SAMD5: variants seen among roughly 807,000 people sequenced by gnomAD.
SAMD5 encodes the protein sterile alpha motif domain-containing protein 5.
SAMD5 carries 13 observed loss-of-function variants against 11.3 expected under a neutral mutation model. That is an observed-to-expected ratio of 1.15 (90% CI 0.75 to 1.83). The LOEUF (loss-of-function observed/expected upper bound fraction) is 1.83. Ranked by LOEUF, SAMD5 falls within the 40% of genes most tolerant of loss-of-function variation. The probability of loss-of-function intolerance (pLI) is 0.00; values close to 1 mark genes in which losing one functional copy is unlikely to be tolerated. For missense variants in SAMD5, 255 were observed against 239.1 expected, an observed-to-expected ratio of 1.07 and a Z score of -0.44; for synonymous variants, 129 against 111.3, an observed-to-expected ratio of 1.16 and a Z score of -1.00.
At chr6:147,613,449 G>T (rs970635261) in intron 1 of SAMD5, among the ~76,000 whole-genome samples, 2 of 151,892 alleles carry the variant, frequency 1.3e-5, no homozygotes, top group African/African-American at 2.4e-5. Flanking sequence ...CAGAGACAGG[G>T]ATTATTCTCT....
intron 1 of SAMD5, among the ~76,000 whole-genome samples, chr6:147,542,772 A>G (rs927981251): frequency 2.0e-5 from 3 of 152,186 alleles, no homozygotes; most frequent in Admixed American, 6.5e-5. Context: ...CTCCTAAACC[A>G]TAATTTTTAA....
chr6:147,752,270 A>G, the SAMD5 span, among the ~76,000 whole-genome samples: 3 of 152,206 alleles, frequency 2.0e-5, no homozygotes, highest in East Asian at 5.8e-4. Flanking sequence ...TATCAAAAAC[A>G]ACAGAGAAAC....
At chr6:147,606,257 G>A (rs1789698094) in intron 1 of SAMD5, among the ~76,000 whole-genome samples, 1 of 152,136 alleles carries the variant, frequency 6.6e-6, no homozygotes, top group South Asian at 2.1e-4. Context: ...GGCCTTCAGT[G>A]ACTTTGGTGG....
At chr6:147,923,933 G>A in the SAMD5 span, among the ~76,000 whole-genome samples, 3 of 152,192 alleles carry the variant, frequency 2.0e-5, no homozygotes. Flanking sequence ...CTGGAAGATG[G>A]TCAGGTTTGA....
chr6:147,510,710 G>A (rs550611992), intron 1 of SAMD5, among the ~76,000 whole-genome samples: 4 of 152,318 alleles, frequency 2.6e-5, no homozygotes, highest in East Asian at 1.9e-4. Context: ...TACCTTGCAC[G>A]TACCATAGGC....
At position 147,698,342 on chromosome 6, in the gene SAMD5, C is replaced by A. The variant is rs565456700; in HGVS notation, c.163-38975C>A. On this transcript the variant is annotated intron_variant, in intron 1 of 1. Coordinates refer to the SAMD5 transcript ENST00000566741. ...TCCTAATGTTATCATCTTGGGTATT[C>A]CAGTGTGTGAGTTTTGCCAAGCCGC... 5.3e-5 allele frequency among the ~76,000 whole-genome samples: 8 copies of A among 152,234 alleles called. No homozygotes were observed. The South Asian group carries it at 1.5e-3, about 28-fold the overall frequency.
chr6:147,912,244 G>C, the SAMD5 span, among the ~76,000 whole-genome samples: 3 of 152,172 alleles, frequency 2.0e-5, no homozygotes, highest in Non-Finnish European at 2.9e-5. Flanking sequence ...AGTGTGATTA[G>C]AGGAAGGAGT....
At chr6:147,540,802 G>A (rs1788588627) in intron 1 of SAMD5, among the ~76,000 whole-genome samples, 1 of 151,976 alleles carries the variant, frequency 6.6e-6, no homozygotes, top group African/African-American at 2.4e-5. Flanking sequence ...AACTTGGCTG[G>A]TAGGAATTTC....
At chr6:147,747,426 T>C in the SAMD5 span, among the ~76,000 whole-genome samples, 18 of 152,328 alleles carry the variant, frequency 1.2e-4, no homozygotes, top group Admixed American at 9.2e-4. Context: ...CAAACACTGT[T>C]TTGACTTCAC....
chr6:147,896,738 CAAAAAAAAAAAAAA>C, the SAMD5 span, among the ~76,000 whole-genome samples: 1 of 55,322 alleles, frequency 1.8e-5, no homozygotes, highest in South Asian at 8.1e-4. Context: ...GAACATTAAC[CAAAAAAAAAAAAAA>C]AAAAAAAAAA....
intron 1 of SAMD5, among the ~76,000 whole-genome samples, chr6:147,562,905 T>G (rs1788977003): frequency 6.6e-6 from 1 of 152,188 alleles, no homozygotes; most frequent in Non-Finnish European, 1.5e-5. Context: ...GAATTTTCCC[T>G]CACTCCTCCT....
downstream of SAMD5, among the ~76,000 whole-genome samples, chr6:147,574,832 G>C (rs1242407143): frequency 6.6e-6 from 1 of 152,056 alleles, no homozygotes; most frequent in Non-Finnish European, 1.5e-5. Flanking sequence ...TATTTTAAAG[G>C]CCTCACCTCT....
At chr6:147,897,870 G>T in the SAMD5 span, among the ~76,000 whole-genome samples, 1 of 149,172 alleles carries the variant, frequency 6.7e-6, no homozygotes, top group East Asian at 2.0e-4. Context: ...ACTTGAAGCC[G>T]GGAGGCAGAG....
In SAMD5 at chr6:147,566,932, TA is replaced by T; in HGVS notation, c.*2479del. 2.3e-6 allele frequency: 2 copies of T among 877,906 alleles called. No individual in the cohort carries two copies. The highest frequency in any genetic ancestry group is 2.7e-6 in the Non-Finnish European group (2 of 732,376). The allele number at this position is 877,906 out of a possible 1,614,324, so 54.4% of individuals were successfully genotyped here. ...TTTTTCAGCGTTTTTCCTCTGTATCTAAACACCAATAATATACTTAATTTTT... is the reference window on the plus strand; with the variant it reads ...TTTTTCAGCGTTTTTCCTCTGTATCTAACACCAATAATATACTTAATTTTT... On this transcript the variant is annotated 3_prime_UTR_variant, in exon 2 of 2. Coordinates refer to ENST00000367474, the MANE Select transcript of SAMD5 (RefSeq NM_001030060.3).
intron 1 of SAMD5, among the ~76,000 whole-genome samples, chr6:147,693,987 G>A (rs945990549): frequency 1.3e-4 from 20 of 152,084 alleles, no homozygotes; most frequent in East Asian, 1.9e-4. Context: ...GGAAGATCCC[G>A]TCCAAGAGGA....
At chr6:147,549,013 T>G (rs1788727161) in intron 1 of SAMD5, among the ~76,000 whole-genome samples, 1 of 152,108 alleles carries the variant, frequency 6.6e-6, no homozygotes, top group African/African-American at 2.4e-5. Flanking sequence ...AAATTAAATC[T>G]TTTCCCTTAG....
the SAMD5 span, among the ~76,000 whole-genome samples, chr6:147,790,770 T>TCTCTC: frequency 2.3e-5 from 2 of 88,260 alleles, no homozygotes; most frequent in Non-Finnish European, 4.7e-5. Flanking sequence ...CTCTCTCTCT[T>TCTCTC]TCTCTCTCTC....
chr6:147,551,213 G>C (rs1788767220), intron 1 of SAMD5, among the ~76,000 whole-genome samples: 1 of 152,142 alleles, frequency 6.6e-6, no homozygotes, highest in Non-Finnish European at 1.5e-5. Context: ...TAGTGTCTAG[G>C]CTCTGTTCCC....
At chr6:147,684,047 T>C (rs1261719137) in intron 1 of SAMD5, among the ~76,000 whole-genome samples, 1 of 152,120 alleles carries the variant, frequency 6.6e-6, no homozygotes, top group African/African-American at 2.4e-5. Flanking sequence ...ACCACACCCA[T>C]GTCACCACCA....
Sources: allele counts gnomAD v4.1 joint callset (sites outside exome capture counted in the v4.1 genomes callset), GRCh38; gene constraint gnomAD v4.1.1; transcripts MANE v1.5; gene names NCBI Gene and HGNC (gene_info 2026-07-23, HGNC 2026-07-21).